Variants in SND1 observed in about 807,000 individuals in gnomAD.
The protein encoded by SND1 is staphylococcal nuclease and tudor domain containing 1.
SND1 carries 38 observed loss-of-function variants against 121.7 expected under a neutral mutation model. The ratio of observed to expected loss-of-function variants is 0.31; its 90% CI spans 0.24 to 0.41. The LOEUF (loss-of-function observed/expected upper bound fraction) is 0.41. Among genes scored for constraint, SND1 ranks in the 10% least tolerant of loss-of-function variants. SND1 has a pLI of 1.00. For synonymous variants in SND1, 401 were observed against 447.4 expected (o/e 0.90, Z 1.31); for missense variants, 868 against 1,184.6 (o/e 0.73, Z 3.92).
chr7:127,762,369 TG>T (rs1231353709), intron 10 of SND1, among the ~76,000 whole-genome samples: 3 of 152,186 alleles, frequency 2.0e-5, no homozygotes, highest in African/African-American at 4.8e-5. Flanking sequence ...CCTCTCTTAT[TG>T]GTTTGCAGAT....
chr7:127,770,628 G>A (rs1797497866), intron 10 of SND1, among the ~76,000 whole-genome samples: 1 of 152,042 alleles, frequency 6.6e-6, no homozygotes, highest in Non-Finnish European at 1.5e-5. Context: ...ACCCAGTCCT[G>A]ACCCAAAGGC....
intron 1 of SND1, among the ~76,000 whole-genome samples, chr7:127,666,280 T>A (rs1311318884): frequency 6.6e-6 from 1 of 152,206 alleles, no homozygotes. Flanking sequence ...CCGGACTGCT[T>A]GGTTTCCATT....
At chr7:128,039,488 AT>A (rs910855495) in intron 16 of SND1, among the ~76,000 whole-genome samples, 34 of 148,444 alleles carry the variant, frequency 2.3e-4, no homozygotes, top group East Asian at 9.8e-4. Flanking sequence ...TACTAGCCTG[AT>A]TTTTTTTTTT....
At chr7:127,683,074 T>A (rs1795754862) in intron 1 of SND1, among the ~76,000 whole-genome samples, 1 of 152,236 alleles carries the variant, frequency 6.6e-6, no homozygotes, top group South Asian at 2.1e-4. Flanking sequence ...TGGCGACTGT[T>A]AGCTATAAGA....
intron 17 of SND1, among the ~76,000 whole-genome samples, chr7:128,076,232 T>G (rs370288028): frequency 1.1e-4 from 16 of 152,298 alleles, no homozygotes; most frequent in African/African-American, 3.8e-4. Flanking sequence ...CCAGGGGCTG[T>G]GCTGAACTCA....
In SND1 at chr7:127,899,758, G is replaced by A. The variant is rs1800192129; in HGVS notation, c.1455-4989G>A. Among the ~76,000 whole-genome samples, 3 of 152,156 alleles carry A rather than the reference G, an allele frequency of 2.0e-5. No homozygotes were observed. In the South Asian group the frequency reaches 6.2e-4, roughly 31 times the overall value. On this transcript the variant is annotated intron_variant, in intron 13 of 23. Transcript: ENST00000354725. Reference sequence around the variant, plus strand: ...TGTGTAGCTTCAAAAGGGATTGCATGAATTTAGTTAAGATATCCCTGATGT... The same window carrying A: ...TGTGTAGCTTCAAAAGGGATTGCATAAATTTAGTTAAGATATCCCTGATGT...
chr7:127,778,038 G>C (rs1369030810), intron 10 of SND1, among the ~76,000 whole-genome samples: 1 of 152,092 alleles, frequency 6.6e-6, no homozygotes, highest in South Asian at 2.1e-4. Context: ...CAGCTACACT[G>C]GTTCATCCTA....
chr7:128,025,128 C>A (rs1803445487), intron 16 of SND1, among the ~76,000 whole-genome samples: 1 of 152,194 alleles, frequency 6.6e-6, no homozygotes, highest in African/African-American at 2.4e-5. Flanking sequence ...CCCCTTAGCA[C>A]ATGTGGAGCC....
intron 2 of SND1, among the ~76,000 whole-genome samples, chr7:127,690,080 T>C (rs1795886991): frequency 6.6e-6 from 1 of 152,034 alleles, no homozygotes. Flanking sequence ...GAAATAATAG[T>C]CTCTTTGCCC....
chr7:127,977,246 G>A (rs1802142674), intron 15 of SND1, among the ~76,000 whole-genome samples: 1 of 152,196 alleles, frequency 6.6e-6, no homozygotes, highest in African/African-American at 2.4e-5. Context: ...TTCATCTTAT[G>A]TAGGTTTAAA....
At chr7:127,791,947 C>G (rs1448296922) in intron 10 of SND1, among the ~76,000 whole-genome samples, 1 of 152,200 alleles carries the variant, frequency 6.6e-6, no homozygotes, top group Admixed American at 6.5e-5. Flanking sequence ...ATGCAGCCTT[C>G]CTGTGATTGG....
intron 10 of SND1, among the ~76,000 whole-genome samples, chr7:127,802,121 A>G (rs1315473270): frequency 1.3e-5 from 2 of 152,110 alleles, no homozygotes; most frequent in Admixed American, 1.3e-4. Flanking sequence ...CTGGGATTAC[A>G]GGCGTGAACC....
intron 12 of SND1, among the ~76,000 whole-genome samples, chr7:127,876,844 C>T (rs1799700087): frequency 6.6e-6 from 1 of 152,144 alleles, no homozygotes; most frequent in South Asian, 2.1e-4. Flanking sequence ...ACCGCATGTT[C>T]TGTCCCATTT....
chr7:127,844,614 T>C (rs1198426140), intron 12 of SND1, among the ~76,000 whole-genome samples, 190 bp downstream of exon 12: 1 of 152,244 alleles, frequency 6.6e-6, no homozygotes, highest in Non-Finnish European at 1.5e-5. Flanking sequence ...GCTAATCGTA[T>C]ACTTTCATTA....
chr7:128,085,886 A>C lies in SND1; in HGVS notation c.2304+106A>C. The C allele has an allele frequency of 1.0e-6, 1 of 972,500 alleles. No individual in the cohort carries two copies. Among genetic ancestry groups the C allele is most frequent in the Non-Finnish European group, 1.6e-6 (1 of 616,464 alleles). The allele number at this position is 972,500 out of a possible 1,614,324, so 60.2% of individuals were successfully genotyped here. A position where few individuals can be genotyped will look rare whatever the true frequency, so the allele number is the denominator to read the frequency against. ...TCCCTCTGAGCTTACCAATAGAACA[A>C]TGAGCATTGGGGCATCTCTGCTGTG... On this transcript the variant is annotated intron_variant, in intron 20 of 23. Transcript: ENST00000354725. The surrounding 1 kb of genome is among the most constrained non-coding windows in gnomAD (Gnocchi z 4.4).
chr7:127,822,333 TA>T (rs756768854), intron 11 of SND1, among the ~76,000 whole-genome samples: 115 of 152,320 alleles, frequency 7.5e-4, no homozygotes, highest in African/African-American at 2.5e-3. Context: ...TCTATGTGCT[TA>T]CAAGTAGTAA....
chr7:127,841,041 C>G (rs1328076502), intron 11 of SND1, among the ~76,000 whole-genome samples: 1 of 152,162 alleles, frequency 6.6e-6, no homozygotes, highest in Non-Finnish European at 1.5e-5. Context: ...CTCACTTTGG[C>G]CTTCTGGCCT....
intron 18 of SND1, among the ~76,000 whole-genome samples, chr7:128,082,723 C>G (rs973826222): frequency 2.0e-5 from 3 of 152,100 alleles, no homozygotes; most frequent in Non-Finnish European, 4.4e-5. Context: ...TCAGTGGGAA[C>G]AAGAGCCGTT....
At chr7:127,922,991 T>C (rs1800750472) in intron 14 of SND1, among the ~76,000 whole-genome samples, 1 of 152,144 alleles carries the variant, frequency 6.6e-6, no homozygotes, top group Admixed American at 6.6e-5. Flanking sequence ...CAACACTTAA[T>C]GATTTTCCAT....
Sources: allele counts gnomAD v4.1 joint callset (sites outside exome capture counted in the v4.1 genomes callset), GRCh38; gene constraint gnomAD v4.1.1; non-coding constraint Gnocchi (gnomAD v3.1); transcripts MANE v1.5; gene names NCBI Gene and HGNC (gene_info 2026-07-23, HGNC 2026-07-21).